The following PXN variants were observed in gnomAD, a reference collection of about 807,000 sequenced individuals.
PXN encodes the protein testicular tissue protein Li 134.
In PXN, 61 loss-of-function variants were observed where a neutral mutation model predicts 103.6. The ratio of observed to expected loss-of-function variants is 0.59; its 90% CI spans 0.48 to 0.73. The LOEUF (loss-of-function observed/expected upper bound fraction) is 0.73, where lower values mean the gene tolerates loss of function less well. Ranked by LOEUF, PXN falls within the 30% of genes least tolerant of loss-of-function variation. The pLI is 0.00. For synonymous variants in PXN, 562 were observed against 607.8 expected, an observed-to-expected ratio of 0.92 and a Z score of 1.11; for missense variants, 1,274 against 1,460.3, an observed-to-expected ratio of 0.87 and a Z score of 2.08.
At chr12:120,249,834 G>A (rs1891862897) in intron 1 of PXN, 7 of 983,004 alleles carry the variant, frequency 7.1e-6, no homozygotes, top group South Asian at 9.4e-5. Flanking sequence ...TTGAGGTGGT[G>A]AGGCAGGGAA....
chr12:120,239,619 T>C (rs528003997), intron 1 of PXN, among the ~76,000 whole-genome samples: 15 of 151,982 alleles, frequency 9.9e-5, no homozygotes, highest in Non-Finnish European at 2.2e-4. Context: ...TGGTGGTGCA[T>C]GCCTGTAATC....
In PXN at chr12:120,211,778, A is replaced by T; in HGVS notation, c.*536T>A. On this transcript the variant is annotated 3_prime_UTR_variant, in exon 15 of 15. Transcript: ENST00000637617. ...CCTAGGGCACTGGAAGGGTAGGAGG[A>T]GCACAGAGAACCTTCCATGGCCCCT... 2 of 391,978 alleles carry T rather than the reference A, an allele frequency of 5.1e-6. No individual in the cohort carries two copies. Among genetic ancestry groups the T allele is most frequent in the South Asian group, 3.6e-5 (2 of 54,976 alleles). 24.3% of individuals were successfully genotyped at this position (391,978 alleles called of 1,614,324 possible).
chr12:120,232,889 T>A (rs920955361), intron 1 of PXN, among the ~76,000 whole-genome samples: 2 of 152,214 alleles, frequency 1.3e-5, no homozygotes, highest in African/African-American at 4.8e-5. Context: ...TTCCCCTTTT[T>A]TCAGGCAGCA....
intron 1 of PXN, among the ~76,000 whole-genome samples, chr12:120,263,205 A>G (rs1163672010): frequency 6.6e-6 from 1 of 152,080 alleles, no homozygotes; most frequent in African/African-American, 2.4e-5. Context: ...CCTAAGGAAA[A>G]CAGCTGATGG....
Position 120,214,949 on chromosome 12 carries a change from G to A in PXN, c.2624C>T (p.Thr875Ile). 1.9e-6 allele frequency: 3 copies of A among 1,614,016 alleles called. No individual in the cohort carries two copies. The highest frequency in any genetic ancestry group is 2.5e-6 in the Non-Finnish European group (3 of 1,179,872). The change falls in exon 12 of 15, where the codon ACC becomes ATC. Residue 875 changes from threonine to isoleucine, a missense_variant. Coordinates refer to ENST00000637617, the MANE Select transcript of PXN (RefSeq NM_001385981.1). This position sits in a 1 kb window ranked among gnomAD's most constrained non-coding sequence, Gnocchi z 5.0. ...KTWHPEHFVC[T>I]HCQEEIGSRN... ...GGATCCGATCTCCTCCTGGCAGTGG[G>A]TGCAGACGAAGTGCTCGGGGTGCCA... is the stretch of plus-strand genomic sequence containing the variant.
At position 120,255,177 on chromosome 12, in the gene PXN, C is replaced by T. The variant is rs73219305; in HGVS notation, c.13+10440G>A. Among the ~76,000 whole-genome samples the T allele has an allele frequency of 1.5e-3, 227 of 152,188 alleles. 1 individual carries two copies. Among genetic ancestry groups the T allele is most frequent in the Non-Finnish European group, 2.5e-3 (169 of 68,014 alleles). Reference sequence around the variant, plus strand: ...GAGGTCATGCAGTTGATTAACTGACCGAGGTGCATAGTTGAAAAACAAGGA... The same window carrying T: ...GAGGTCATGCAGTTGATTAACTGACTGAGGTGCATAGTTGAAAAACAAGGA... On this transcript the variant is annotated intron_variant, in intron 1 of 14. Transcript: ENST00000637617.
chr12:120,219,400 G>A lies in PXN; in HGVS notation c.1523C>T (p.Thr508Ile), dbSNP rs748685298. Residue 508 changes from threonine to isoleucine, a missense_variant, in exon 7 of 15, where the codon ACC (threonine) becomes ATC (isoleucine). Coordinates refer to ENST00000637617, the MANE Select transcript of PXN (RefSeq NM_001385981.1). The surrounding 1 kb of genome is among the most constrained non-coding windows in gnomAD (Gnocchi z 6.5). Reference protein sequence around the residue: ...RLGSSSPASVTTEQLGAKMTE... With the variant: ...RLGSSSPASVITEQLGAKMTE... Reference sequence around the variant, plus strand: ...CATCTTTGCACCTAGCTGCTCCGTGGTAACTGAGGCAGGGGAGCTGCTTCC... The same window carrying A: ...CATCTTTGCACCTAGCTGCTCCGTGATAACTGAGGCAGGGGAGCTGCTTCC... The A allele has an allele frequency of 2.5e-6, 4 of 1,598,424 alleles. No individual in the cohort carries two copies. In the South Asian group the frequency reaches 3.3e-5, roughly 13 times the overall value.
chr12:120,226,898 C>G, intron 1 of PXN: 1 of 992,636 alleles, frequency 1.0e-6, no homozygotes, highest in Non-Finnish European at 1.2e-6. Flanking sequence ...CTGCAGACAT[C>G]AGTTGCAAAT....
intron 1 of PXN, among the ~76,000 whole-genome samples, chr12:120,227,305 G>A (rs931921896): frequency 6.6e-6 from 1 of 151,564 alleles, no homozygotes; most frequent in Non-Finnish European, 1.5e-5. Context: ...GTTGGAGATC[G>A]GCTTGGGCAA....
At chr12:120,235,788 C>G (rs1357471832) in intron 1 of PXN, among the ~76,000 whole-genome samples, 2 of 152,216 alleles carry the variant, frequency 1.3e-5, no homozygotes, top group Non-Finnish European at 2.9e-5. Context: ...TCTGGTCTAA[C>G]TTGTTGATGT....
rs534932529 is a variant in PXN, at chr12:120,222,399, T to A, written c.695+150A>T. 38 of 893,454 alleles carry A rather than the reference T, an allele frequency of 4.3e-5. No individual in the cohort carries two copies. Among genetic ancestry groups the A allele is most frequent in the African/African-American group, 3.9e-4 (23 of 59,248 alleles). The allele number at this position is 893,454 out of a possible 1,614,324, so 55.3% of individuals were successfully genotyped here. ...TGACTGGCTGAAGGCAGGGATGGTG[T>A]CCATGTGACTCACCACTATCCCCCC... On this transcript the variant is annotated intron_variant, in intron 5 of 14. Coordinates refer to ENST00000637617, the MANE Select transcript of PXN (RefSeq NM_001385981.1). This position sits in a 1 kb window ranked among gnomAD's most constrained non-coding sequence, Gnocchi z 4.7.
Position 120,221,530 on chromosome 12 carries a change from G to T in PXN, c.831+93C>A. 7.2e-7 allele frequency: 1 copy of T among 1,395,448 alleles called. No homozygotes were observed. 86.4% of individuals were successfully genotyped at this position (1,395,448 alleles called of 1,614,324 possible). On this transcript the variant is annotated intron_variant, in intron 6 of 14. Coordinates refer to ENST00000637617, the MANE Select transcript of PXN (RefSeq NM_001385981.1). This position sits in a 1 kb window ranked among gnomAD's most constrained non-coding sequence, Gnocchi z 6.6. ...CAGGGGCAAGGCACCCAAACACTGA[G>T]ATGCCAAGATCCAGCTACCCACACT...
rs1172226604 is a variant in PXN at position 120,223,782 on chromosome 12, A to C, written c.292T>G (p.Ser98Ala). ...YGSSAKTSSV[S>A]NPQDSVGSPC... ...GAGCCAACACTGTCCTGAGGGTTGGAGACACTGGAAGTTTTGGCACTGGAG... is the reference window on the plus strand; with the variant it reads ...GAGCCAACACTGTCCTGAGGGTTGGCGACACTGGAAGTTTTGGCACTGGAG... Residue 98 changes from serine to alanine, a missense_variant, in exon 3 of 15, where the codon TCC becomes GCC. By Grantham distance (99) the Ser-to-Ala change is moderately conservative (BLOSUM62 1). Around this residue, in one of 2 missense-constraint regions of PXN, gnomAD observed 1,178 missense variants for 1,309.0 expected, o/e 0.90. Coordinates refer to ENST00000637617, the MANE Select transcript of PXN (RefSeq NM_001385981.1). 1.9e-6 allele frequency: 3 copies of C among 1,610,416 alleles called. No homozygotes were observed. Among genetic ancestry groups the C allele is most frequent in the Non-Finnish European group, 8.5e-7 (1 of 1,178,450 alleles).
At chr12:120,246,808 T>C (rs897048646) in intron 1 of PXN, among the ~76,000 whole-genome samples, 2 of 149,772 alleles carry the variant, frequency 1.3e-5, no homozygotes, top group African/African-American at 4.9e-5. Context: ...TGAGCCAGGA[T>C]TGCGCCACTG....
chr12:120,259,752 G>A (rs958097172), intron 1 of PXN, among the ~76,000 whole-genome samples: 9 of 152,190 alleles, frequency 5.9e-5, no homozygotes, highest in Non-Finnish European at 2.9e-5. Flanking sequence ...GACTGCAAAA[G>A]GCAGAGTGGA....
rs1419928742 is a variant in PXN, at chr12:120,220,923, CTGG to C, written c.831+697_831+699del. Reference sequence around the variant, plus strand: ...CGTGGAAGTATGAAGTCAGCAGCTGCTGGTGAGTTCTGTCAATATCAATCCCCA... The same window carrying C: ...CGTGGAAGTATGAAGTCAGCAGCTGCTGAGTTCTGTCAATATCAATCCCCA... On this transcript the variant is annotated intron_variant, in intron 6 of 14. Transcript: ENST00000637617. The surrounding 1 kb of genome is among the most constrained non-coding windows in gnomAD (Gnocchi z 6.1). Among the ~76,000 whole-genome samples the C allele has an allele frequency of 6.6e-6, 1 of 152,204 alleles. No homozygotes were observed. The highest frequency in any genetic ancestry group is 2.4e-5 in the African/African-American group (1 of 41,444).
Position 120,265,553 on chromosome 12 carries a change from C to A in PXN, c.13+64G>T, listed in dbSNP as rs1333228807. On this transcript the variant is annotated intron_variant, in intron 1 of 14. Coordinates refer to ENST00000637617, the MANE Select transcript of PXN (RefSeq NM_001385981.1). This position sits in a 1 kb window ranked among gnomAD's most constrained non-coding sequence, Gnocchi z 5.7. ...TCCCGCGGCCCCTGCCGCTCGCTGG[C>A]GCCCTCCTGGCCCCAAGCTGCGCGC... 9 of 1,462,820 alleles carry A rather than the reference C, an allele frequency of 6.2e-6. No individual in the cohort carries two copies. In the East Asian group the frequency reaches 2.1e-4, roughly 34 times the overall value. The allele number at this position is 1,462,820 out of a possible 1,614,324, so 90.6% of individuals were successfully genotyped here.
intron 1 of PXN, among the ~76,000 whole-genome samples, chr12:120,245,787 CAAA>C (rs1267541953): frequency 8.9e-5 from 4 of 45,158 alleles, no homozygotes; most frequent in Admixed American, 2.1e-4. Flanking sequence ...GACTCCATCT[CAAA>C]AAAAAAAAAA....
intron 1 of PXN, among the ~76,000 whole-genome samples, chr12:120,230,626 C>T (rs933866895): frequency 4.6e-5 from 7 of 152,026 alleles, no homozygotes; most frequent in African/African-American, 1.5e-4. Flanking sequence ...GCGGGTCTCC[C>T]CCCTCCCCCT....
Sources: allele counts gnomAD v4.1 joint callset (sites outside exome capture counted in the v4.1 genomes callset), GRCh38; gene constraint gnomAD v4.1.1; regional missense constraint gnomAD v4.1.1; non-coding constraint Gnocchi (gnomAD v3.1); transcripts MANE v1.5; gene names NCBI Gene and HGNC (gene_info 2026-07-23, HGNC 2026-07-21).